The following RBFOX1 variants were observed in gnomAD, a reference collection of about 807,000 sequenced individuals.
RBFOX1 encodes RNA binding protein fox-1 homolog 1.
A neutral mutation model predicts 57.7 loss-of-function variants in RBFOX1; 8 were observed. The ratio of observed to expected loss-of-function variants is 0.14; its 90% CI spans 0.08 to 0.25. RBFOX1 has a LOEUF of 0.25. Ranked by LOEUF, RBFOX1 falls within the 10% of genes least tolerant of loss-of-function variation. The probability of loss-of-function intolerance (pLI) is 1.00; values close to 1 mark genes in which losing one functional copy is unlikely to be tolerated. For missense variants in RBFOX1, 611 were observed against 548.5 expected (o/e 1.11, Z -1.14); for synonymous variants, 326 against 222.4 (o/e 1.47, Z -4.15).
chr16:7,565,276 C>T (rs747759458), intron 5 of RBFOX1, among the ~76,000 whole-genome samples: 3 of 152,020 alleles, frequency 2.0e-5, no homozygotes, highest in Non-Finnish European at 2.9e-5. Context: ...TTTCTTCCCC[C>T]GCCCGCCACC....
chr16:7,245,207 A>G (rs1210901399), intron 4 of RBFOX1, among the ~76,000 whole-genome samples: 1 of 152,212 alleles, frequency 6.6e-6, no homozygotes, highest in Non-Finnish European at 1.5e-5. Context: ...AATATCTTAT[A>G]TTTCATTTGA....
At chr16:7,001,398 T>TGTATTTGTATATGTATA (rs2092782327) in intron 3 of RBFOX1, among the ~76,000 whole-genome samples, 59 of 100,894 alleles carry the variant, frequency 5.8e-4, no homozygotes, top group African/African-American at 1.4e-3. Flanking sequence ...GTATGTGTAT[T>TGTATTTGTATATGTATA]TGTATATGTA....
intron 4 of RBFOX1, among the ~76,000 whole-genome samples, chr16:7,376,584 C>T (rs77419419): frequency 6.6e-6 from 1 of 152,140 alleles, no homozygotes; most frequent in Non-Finnish European, 1.5e-5. Context: ...CTCCAGCTAA[C>T]TACCAGGGGA....
Position 7,468,930 on chromosome 16 carries a change from G to A in RBFOX1, c.28-49217G>A, listed in dbSNP as rs368677212. 5.3e-4 allele frequency among the ~76,000 whole-genome samples: 80 copies of A among 152,112 alleles called. 1 individual carries two copies. The East Asian group carries it at 0.011, about 21-fold the overall frequency. On this transcript the variant is annotated intron_variant, in intron 4 of 15. Coordinates refer to ENST00000550418, the MANE Select transcript of RBFOX1 (RefSeq NM_018723.4). The stretch of plus-strand genomic sequence containing the variant: ...GGGTCTTGAGCCATGGTCCCAGCAA[G>A]GCTGAGTAATTTTTTTTTTTTGAGG...
chr16:6,872,058 C>T (rs1293794583), intron 3 of RBFOX1, among the ~76,000 whole-genome samples: 2 of 151,746 alleles, frequency 1.3e-5, no homozygotes, highest in African/African-American at 4.8e-5. Flanking sequence ...TGGAAAGCCT[C>T]TCAGTTACAT....
At position 7,710,626 on chromosome 16, in the gene RBFOX1, G is replaced by A. The variant is rs1390336197; in HGVS notation, c.1075G>A (p.Ala359Thr). 3 of 1,610,924 alleles carry A rather than the reference G, an allele frequency of 1.9e-6. No individual in the cohort carries two copies. Among genetic ancestry groups the A allele is most frequent in the African/African-American group, 1.3e-5 (1 of 74,658 alleles). ...APTYGVGAMN[A>T]FAPLTDAKTR... ...CCCTCAAATTGCTTTGTTTCAGAAT[G>A]CTTTTGCACCTTTGACTGATGCCAA... The change falls in exon 16 of 16, where the codon GCT becomes ACT. Residue 359 changes from alanine to threonine, a missense_variant. By Grantham distance (58) the Ala-to-Thr change is moderately conservative. Coordinates refer to ENST00000550418, the MANE Select transcript of RBFOX1 (RefSeq NM_018723.4).
At chr16:7,269,519 G>A (rs893441867) in intron 4 of RBFOX1, among the ~76,000 whole-genome samples, 8 of 152,036 alleles carry the variant, frequency 5.3e-5, no homozygotes, top group African/African-American at 1.9e-4. Flanking sequence ...GACTGATAGT[G>A]AATTTTTAGA....
At position 6,813,283 on chromosome 16, in the gene RBFOX1, C is replaced by T. The variant is rs186934468; in HGVS notation, c.-16+158633C>T. The stretch of plus-strand genomic sequence containing the variant: ...CAGTTCTTTCTGGCAGTCCTCAAAA[C>T]AGCCATATTCCATGAAACAACCCTC... On this transcript the variant is annotated intron_variant, in intron 3 of 15. Coordinates refer to ENST00000550418, the MANE Select transcript of RBFOX1 (RefSeq NM_018723.4). 6.2e-3 allele frequency among the ~76,000 whole-genome samples: 937 copies of T among 152,284 alleles called. 19 individuals carry two copies. Among genetic ancestry groups the T allele is most frequent in the African/African-American group, 0.022 (907 of 41,556 alleles).
At chr16:7,120,268 C>G (rs527763253) in intron 4 of RBFOX1, among the ~76,000 whole-genome samples, 33 of 147,304 alleles carry the variant, frequency 2.2e-4, no homozygotes, top group African/African-American at 7.7e-4. Context: ...AAGTGCATAT[C>G]ATAAGAGACT....
In RBFOX1 at chr16:5,868,256, G is replaced by A. The variant is rs1475010916; in HGVS notation, c.351+921G>A. ...AAGAACACTGACCCAGGTCCCAGGA[G>A]CCCAGGGCTCTGTGTGACGTCCAGT... On this transcript the variant is annotated intron_variant, in intron 4 of 19. Transcript: ENST00000641259. 7.9e-5 allele frequency among the ~76,000 whole-genome samples: 12 copies of A among 152,340 alleles called. No homozygotes were observed. The East Asian group carries it at 2.1e-3, about 27-fold the overall frequency.
chr16:5,753,401 A>G lies in RBFOX1; in HGVS notation c.319-113902A>G, dbSNP rs189067758. ...CTGCTTATACTCAAAAAAATTTAGA[A>G]TATACTTGTGTAGAATTTTGGCTGC... is the stretch of plus-strand genomic sequence containing the variant. On this transcript the variant is annotated intron_variant, in intron 3 of 19. Transcript: ENST00000641259. 1.6e-4 allele frequency among the ~76,000 whole-genome samples: 24 copies of G among 152,320 alleles called. 1 individual carries two copies. The highest frequency in any genetic ancestry group is 5.5e-4 in the African/African-American group (23 of 41,572).
intron 3 of RBFOX1, among the ~76,000 whole-genome samples, chr16:6,835,129 C>A (rs918986429): frequency 6.6e-6 from 1 of 152,014 alleles, no homozygotes. Flanking sequence ...TCTCAATCTC[C>A]TGACCCTGTG....
At chr16:6,930,444 C>T (rs547598138) in intron 3 of RBFOX1, among the ~76,000 whole-genome samples, 3 of 152,160 alleles carry the variant, frequency 2.0e-5, no homozygotes, top group African/African-American at 4.8e-5. Context: ...CAGTCTCACT[C>T]TGTCACCCAG....
intron 3 of RBFOX1, among the ~76,000 whole-genome samples, chr16:5,804,735 G>A (rs1468130439): frequency 6.6e-6 from 1 of 152,288 alleles, no homozygotes; most frequent in Middle Eastern, 3.4e-3. Context: ...GATTTTCTCT[G>A]CAGCAGTGGC....
chr16:5,773,433 A>T (rs1372361967), intron 3 of RBFOX1, among the ~76,000 whole-genome samples: 2 of 152,126 alleles, frequency 1.3e-5, no homozygotes, highest in Non-Finnish European at 2.9e-5. Flanking sequence ...TTGCTCCAGA[A>T]CTTACTTTCT....
intron 4 of RBFOX1, among the ~76,000 whole-genome samples, chr16:7,351,017 C>G (rs529980646): frequency 6.6e-6 from 1 of 152,214 alleles, no homozygotes; most frequent in Non-Finnish European, 1.5e-5. Context: ...TATGGTGTGC[C>G]ATGTGCCCAT....
intron 11 of RBFOX1, among the ~76,000 whole-genome samples, chr16:7,644,587 T>C (rs958384883): frequency 7.9e-5 from 12 of 152,096 alleles, no homozygotes; most frequent in African/African-American, 2.9e-4. Context: ...TTCGTAACTG[T>C]AGGACTATGG....
At chr16:7,614,979 T>G (rs1318382820) in intron 10 of RBFOX1, 4 of 152,214 alleles carry the variant, frequency 2.6e-5, no homozygotes, top group African/African-American at 9.6e-5. Context: ...CGCAGCATCC[T>G]CAGGAGGTGT....
chr16:7,554,988 C>T (rs2087860503), intron 5 of RBFOX1, among the ~76,000 whole-genome samples: 1 of 152,134 alleles, frequency 6.6e-6, no homozygotes. Flanking sequence ...TATTATTTAG[C>T]ATTTAGGTAG....
Sources: allele counts gnomAD v4.1 joint callset (sites outside exome capture counted in the v4.1 genomes callset), GRCh38; gene constraint gnomAD v4.1.1; transcripts MANE v1.5; gene names NCBI Gene and HGNC (gene_info 2026-07-23, HGNC 2026-07-21).